GRM7: variants seen among roughly 807,000 people sequenced by gnomAD.
GRM7 encodes the protein glutamate metabotropic receptor 7.
A neutral mutation model predicts 84.5 loss-of-function variants in GRM7; 35 were observed. That is an observed-to-expected ratio of 0.41 (90% CI 0.32 to 0.55). The LOEUF is 0.55. GRM7 is among the 20% of genes least tolerant of loss of function. The pLI is 0.19. For missense variants in GRM7, 1,003 were observed against 1,194.6 expected (o/e 0.84, Z 2.36); for synonymous variants, 487 against 455.1 (o/e 1.07, Z -0.89).
intron 7 of GRM7, among the ~76,000 whole-genome samples, chr3:7,527,746 A>C (rs1700863371): frequency 6.6e-6 from 1 of 152,026 alleles, no homozygotes; most frequent in South Asian, 2.1e-4. Context: ...AAAGATGTTG[A>C]ATGCTATCAA....
chr3:7,293,762 C>T (rs1426128106), intron 2 of GRM7, among the ~76,000 whole-genome samples: 2 of 152,138 alleles, frequency 1.3e-5, no homozygotes, highest in Non-Finnish European at 2.9e-5. Context: ...CTGGTAGGTA[C>T]ATGGGACCAT....
chr3:7,628,472 G>C (rs1450082264), intron 8 of GRM7, among the ~76,000 whole-genome samples: 1 of 152,142 alleles, frequency 6.6e-6, no homozygotes, highest in Non-Finnish European at 1.5e-5. Flanking sequence ...AACTATTTTG[G>C]ATGTAATTAT....
intron 2 of GRM7, among the ~76,000 whole-genome samples, chr3:7,191,228 T>A (rs2125105551): frequency 6.6e-6 from 1 of 152,126 alleles, no homozygotes; most frequent in East Asian, 1.9e-4. Context: ...CCTTCACTCC[T>A]TTGTAATAAC....
rs375055504 is a variant in GRM7 at position 7,562,335 on chromosome 3, AC to A, written c.1516-16086del. 4.8e-3 allele frequency among the ~76,000 whole-genome samples: 725 copies of A among 151,476 alleles called. 7 individuals are homozygous for A. Among genetic ancestry groups the A allele is most frequent in the African/African-American group, 0.017 (682 of 41,170 alleles). ...TAAAACCCAAGTGAAGTAATAGTTC[AC>A]TTTCCCCCTTATATTTTTTTAAAAA... is the stretch of plus-strand genomic sequence containing the variant. On this transcript the variant is annotated intron_variant, in intron 7 of 9. Coordinates refer to ENST00000357716, the MANE Select transcript of GRM7 (RefSeq NM_000844.4).
Position 7,173,607 on chromosome 3 carries a change from C to T in GRM7, c.736+26939C>T, listed in dbSNP as rs567854615. ...CACATTGCCTATTTTGGGTACCACA[C>T]ATACTGTTCTTTGCTGTTCCTCAAA... On this transcript the variant is annotated intron_variant, in intron 2 of 9. Coordinates refer to ENST00000357716, the MANE Select transcript of GRM7 (RefSeq NM_000844.4). Among the ~76,000 whole-genome samples, 11 of 152,292 alleles carry T rather than the reference C, an allele frequency of 7.2e-5. No homozygotes were observed. The South Asian group carries it at 1.9e-3, about 26-fold the overall frequency.
chr3:7,152,873 C>T (rs1415246791), intron 2 of GRM7, among the ~76,000 whole-genome samples: 1 of 152,186 alleles, frequency 6.6e-6, no homozygotes, highest in Non-Finnish European at 1.5e-5. Context: ...TGTTCCTAGC[C>T]TGCCTTGAAG....
intron 4 of GRM7, among the ~76,000 whole-genome samples, chr3:7,368,377 T>A (rs1693995047): frequency 6.6e-6 from 1 of 152,184 alleles, no homozygotes; most frequent in Non-Finnish European, 1.5e-5. Context: ...AAGTTTATTT[T>A]TTATTATAAG....
chr3:6,895,644 A>G (rs1325682920), intron 1 of GRM7, among the ~76,000 whole-genome samples: 1 of 152,192 alleles, frequency 6.6e-6, no homozygotes, highest in Non-Finnish European at 1.5e-5. Context: ...AATCTATCTC[A>G]GAGCATTTGA....
At chr3:7,388,777 G>A (rs760688392) in intron 4 of GRM7, among the ~76,000 whole-genome samples, 12 of 151,756 alleles carry the variant, frequency 7.9e-5, no homozygotes, top group Non-Finnish European at 1.6e-4. Flanking sequence ...TGTGCTTTTT[G>A]AGTATTCTTT....
intron 2 of GRM7, among the ~76,000 whole-genome samples, chr3:7,243,337 A>G (rs893891097): frequency 6.6e-6 from 1 of 152,068 alleles, no homozygotes; most frequent in African/African-American, 2.4e-5. Context: ...GATTCAGTGG[A>G]TCAAACTTCA....
intron 4 of GRM7, among the ~76,000 whole-genome samples, chr3:7,364,516 CT>C (rs1055480121): frequency 3.2e-4 from 48 of 151,546 alleles, no homozygotes; most frequent in African/African-American, 9.7e-4. Context: ...ATATAATTTG[CT>C]TTTTTTCTAT....
At chr3:7,355,002 C>T (rs1450345422) in intron 4 of GRM7, among the ~76,000 whole-genome samples, 3 of 152,158 alleles carry the variant, frequency 2.0e-5, no homozygotes, top group East Asian at 1.9e-4. Context: ...CAGTCTATTA[C>T]ATTAATGACA....
intron 9 of GRM7, among the ~76,000 whole-genome samples, chr3:7,691,689 C>A (rs1383376732): frequency 2.0e-5 from 3 of 152,136 alleles, no homozygotes; most frequent in Admixed American, 6.6e-5. Context: ...GAGATGGAGG[C>A]TCGCCCTGTC....
At position 7,250,989 on chromosome 3, in the gene GRM7, G is replaced by T. The variant is rs6783813; in HGVS notation, c.737-47695G>T. Among the ~76,000 whole-genome samples, 1,471 of 152,284 alleles carry T rather than the reference G, an allele frequency of 9.7e-3. 12 individuals are homozygous for T. The highest frequency in any genetic ancestry group is 0.016 in the Non-Finnish European group (1,112 of 68,008). On this transcript the variant is annotated intron_variant, in intron 2 of 9. Transcript: ENST00000357716. ...GTTAGAAAAGCTTAAGGAAAGGAAGGATGGAGAAAAGATCAATGTGACTAG... is the reference window on the plus strand; with the variant it reads ...GTTAGAAAAGCTTAAGGAAAGGAAGTATGGAGAAAAGATCAATGTGACTAG...
chr3:6,966,817 G>C (rs575862719), intron 1 of GRM7, among the ~76,000 whole-genome samples: 131 of 152,302 alleles, frequency 8.6e-4, no homozygotes, highest in Non-Finnish European at 1.6e-3. Flanking sequence ...GTGGTGGTAA[G>C]AGCAGGAGTT....
intron 1 of GRM7, among the ~76,000 whole-genome samples, chr3:7,101,908 C>A (rs1296369401): frequency 2.0e-5 from 3 of 150,740 alleles, no homozygotes; most frequent in African/African-American, 7.3e-5. Flanking sequence ...TATCACAGTT[C>A]ATTCATAAAT....
intron 8 of GRM7, among the ~76,000 whole-genome samples, chr3:7,646,607 TG>T (rs1217550335): frequency 6.6e-6 from 1 of 152,174 alleles, no homozygotes; most frequent in Non-Finnish European, 1.5e-5. Context: ...AAGATATGCT[TG>T]TAATTTTTTG....
intron 9 of GRM7, among the ~76,000 whole-genome samples, chr3:7,736,832 T>A (rs1702517101): frequency 1.3e-5 from 2 of 152,206 alleles, no homozygotes; most frequent in African/African-American, 2.4e-5. Flanking sequence ...TCATGTATGT[T>A]CTTATTCACA....
chr3:7,034,858 G>A (rs1350268779), intron 1 of GRM7, among the ~76,000 whole-genome samples: 1 of 152,202 alleles, frequency 6.6e-6, no homozygotes, highest in African/African-American at 2.4e-5. Flanking sequence ...TGCAATGTTA[G>A]TTCCAGGACA....
Sources: allele counts gnomAD v4.1 joint callset (sites outside exome capture counted in the v4.1 genomes callset), GRCh38; gene constraint gnomAD v4.1.1; transcripts MANE v1.5; gene names NCBI Gene and HGNC (gene_info 2026-07-23, HGNC 2026-07-21).